Variants in LMNTD1 observed in about 807,000 individuals in gnomAD.
LMNTD1 encodes the protein lamin tail domain-containing protein 1.
LMNTD1 carries 35 observed loss-of-function variants against 50.9 expected under a neutral mutation model. The ratio of observed to expected loss-of-function variants is 0.69; its 90% CI spans 0.53 to 0.91. LMNTD1 has a LOEUF of 0.91. LMNTD1 is among the 40% of genes least tolerant of loss of function. LMNTD1 has a pLI of 0.00. For synonymous variants in LMNTD1, 153 were observed against 161.9 expected, an observed-to-expected ratio of 0.94 and a Z score of 0.42; for missense variants, 470 against 475.5, an observed-to-expected ratio of 0.99 and a Z score of 0.11.
rs71450756 is a variant in LMNTD1 at position 25,619,252 on chromosome 12, C to CTATATATA, written c.58+29234_58+29241dup. 9.6e-4 allele frequency among the ~76,000 whole-genome samples: 81 copies of CTATATATA among 84,380 alleles called. 1 individual carries two copies. The highest frequency in any genetic ancestry group is 5.9e-3 in the East Asian group (14 of 2,378). The allele number at this position is 84,380 out of a possible 152,430, so 55.4% of individuals were successfully genotyped here. ...TCTCTCTCTCTCTCTCTCTCTCTCT[C>CTATATATA]TATATATATATATATATATATATAT... On this transcript the variant is annotated intron_variant, in intron 1 of 7. Coordinates refer to the LMNTD1 transcript ENST00000445693.
chr12:25,634,689 C>T (rs975270856), intron 1 of LMNTD1, among the ~76,000 whole-genome samples: 4 of 152,164 alleles, frequency 2.6e-5, no homozygotes, highest in African/African-American at 9.7e-5. Context: ...AACAAACCCA[C>T]AGCCAACATA....
At chr12:25,539,613 G>C (rs971067819) in intron 4 of LMNTD1, among the ~76,000 whole-genome samples, 1 of 151,672 alleles carries the variant, frequency 6.6e-6, no homozygotes, top group African/African-American at 2.4e-5. Context: ...ATGCCCACAA[G>C]AGAAAGCAGG....
rs114132288 is a variant in LMNTD1 at position 25,510,774 on chromosome 12, G to C, written c.1190-6974C>G. Reference sequence around the variant, plus strand: ...TATGAGATGTCATTTAAAAATCTTCGGTGTCTCTTTTTCAGTCTGTCCTTC... The same window carrying C: ...TATGAGATGTCATTTAAAAATCTTCCGTGTCTCTTTTTCAGTCTGTCCTTC... On this transcript the variant is annotated intron_variant, in intron 8 of 9. Coordinates refer to ENST00000458174, the MANE Select transcript of LMNTD1 (RefSeq NM_001145728.2). 3.7e-3 allele frequency among the ~76,000 whole-genome samples: 555 copies of C among 151,892 alleles called. 4 individuals are homozygous for C. The highest frequency in any genetic ancestry group is 0.013 in the African/African-American group (540 of 41,428).
intron 1 of LMNTD1, among the ~76,000 whole-genome samples, chr12:25,599,800 G>T (rs1171615776): frequency 2.0e-5 from 3 of 151,742 alleles, no homozygotes; most frequent in Non-Finnish European, 4.4e-5. Flanking sequence ...AATAGAAGTG[G>T]ACACCAAAAA....
intron 1 of LMNTD1, among the ~76,000 whole-genome samples, chr12:25,639,659 T>C (rs768855730): frequency 4.6e-5 from 7 of 152,166 alleles, no homozygotes; most frequent in Non-Finnish European, 8.8e-5. Flanking sequence ...TAGCAAGTCT[T>C]GTTTAGTATG....
At chr12:25,508,907 T>C (rs971225717) in intron 8 of LMNTD1, among the ~76,000 whole-genome samples, 3 of 152,204 alleles carry the variant, frequency 2.0e-5, no homozygotes, top group Non-Finnish European at 4.4e-5. Context: ...AAGGTTCTCT[T>C]GTGGGTATGG....
chr12:25,564,172 G>A (rs779926041), intron 1 of LMNTD1, among the ~76,000 whole-genome samples: 15 of 152,108 alleles, frequency 9.9e-5, no homozygotes, highest in East Asian at 1.9e-4. Context: ...AGATGAACCC[G>A]GTACCTCAGC....
intron 1 of LMNTD1, among the ~76,000 whole-genome samples, chr12:25,568,920 G>A (rs2136341087): frequency 6.6e-6 from 1 of 152,362 alleles, no homozygotes; most frequent in African/African-American, 2.4e-5. Flanking sequence ...CCACATGGGA[G>A]GAGCTTCCAC....
chr12:25,564,277 CAA>C (rs906114842), intron 1 of LMNTD1, among the ~76,000 whole-genome samples: 1 of 152,112 alleles, frequency 6.6e-6, no homozygotes, highest in African/African-American at 2.4e-5. Context: ...CCTCCTCCTT[CAA>C]AAAGAGTCTT....
chr12:25,555,155 T>C (rs557685778), upstream of LMNTD1, among the ~76,000 whole-genome samples: 2 of 152,068 alleles, frequency 1.3e-5, no homozygotes, highest in Non-Finnish European at 2.9e-5. Flanking sequence ...AGTTTTAGTA[T>C]ATACCAAAGT....
chr12:25,542,740 T>TA (rs1478382576), intron 4 of LMNTD1, among the ~76,000 whole-genome samples: 1 of 73,732 alleles, frequency 1.4e-5, no homozygotes, highest in African/African-American at 4.3e-5. Flanking sequence ...ATAAATTAAA[T>TA]AAAAAAAGAA....
intron 1 of LMNTD1, among the ~76,000 whole-genome samples, chr12:25,587,085 T>C (rs1945552517): frequency 1.3e-5 from 2 of 152,292 alleles, no homozygotes; most frequent in East Asian, 1.9e-4. Context: ...CTTAAAACCA[T>C]CTTGGATGGC....
chr12:25,544,568 T>C (rs73298450), intron 4 of LMNTD1, among the ~76,000 whole-genome samples: 2,959 of 151,942 alleles, frequency 0.019, 113 homozygotes, highest in African/African-American at 0.067. Context: ...GTATTATTAT[T>C]GAAAAGAAGA....
chr12:25,577,087 T>A (rs1945056539), intron 1 of LMNTD1, among the ~76,000 whole-genome samples: 1 of 152,226 alleles, frequency 6.6e-6, no homozygotes, highest in Admixed American at 6.5e-5. Context: ...CTGTTTTGGT[T>A]ACTGTAGCCT....
At chr12:25,500,256 C>T (rs1939311615) in intron 9 of LMNTD1, among the ~76,000 whole-genome samples, 1 of 152,138 alleles carries the variant, frequency 6.6e-6, no homozygotes, top group African/African-American at 2.4e-5. Flanking sequence ...GCAGGTTTCA[C>T]ATTAAAGAGC....
At chr12:25,564,651 T>C (rs1427916109) in intron 1 of LMNTD1, among the ~76,000 whole-genome samples, 1 of 152,222 alleles carries the variant, frequency 6.6e-6, no homozygotes, top group Middle Eastern at 3.2e-3. Context: ...ACTCAACATA[T>C]GATCTATCCT....
At chr12:25,564,677 T>A (rs968779785) in intron 1 of LMNTD1, among the ~76,000 whole-genome samples, 34 of 152,258 alleles carry the variant, frequency 2.2e-4, no homozygotes, top group Non-Finnish European at 7.3e-5. Flanking sequence ...ATGATCCATG[T>A]GCTGAGGAAA....
At chr12:25,515,102 TTGTA>T (rs1259226780) in intron 8 of LMNTD1, among the ~76,000 whole-genome samples, 1 of 152,112 alleles carries the variant, frequency 6.6e-6, no homozygotes, top group African/African-American at 2.4e-5. Flanking sequence ...AAAGGAACCT[TTGTA>T]TGTATGCACA....
chr12:25,510,610 A>C (rs1289352038), intron 8 of LMNTD1, among the ~76,000 whole-genome samples: 1 of 151,880 alleles, frequency 6.6e-6, no homozygotes, highest in Non-Finnish European at 1.5e-5. Context: ...CTTTCTCTCT[A>C]ATCTTTTTTT....
Sources: gnomAD v4.1 joint callset for allele counts (sites outside exome capture counted in the v4.1 genomes callset) on GRCh38, gnomAD v4.1.1 for gene constraint, MANE v1.5 for transcripts, NCBI Gene and HGNC (gene_info 2026-07-23, HGNC 2026-07-21) for gene names.